The following VPS53 variants were observed in gnomAD, a reference collection of about 807,000 sequenced individuals.
VPS53 encodes VPS53 subunit of GARP complex, also known as vacuolar protein sorting-associated protein 53 homolog.
Under a neutral mutation model 107.0 loss-of-function variants are expected in VPS53, and 70 were observed. That is an observed-to-expected ratio of 0.65 (90% confidence interval 0.54 to 0.80). The LOEUF (loss-of-function observed/expected upper bound fraction) is 0.80, where lower values mean the gene tolerates loss of function less well. Among genes scored for constraint, VPS53 ranks in the 30% least tolerant of loss-of-function variants. The pLI is 0.00. For missense variants in VPS53, 917 were observed against 1,049.4 expected (o/e 0.87, Z 1.74); for synonymous variants, 409 against 393.3 (o/e 1.04, Z -0.47).
At chr17:647,435 A>G (rs1226899671) in intron 7 of VPS53, among the ~76,000 whole-genome samples, 1 of 152,226 alleles carries the variant, frequency 6.6e-6, no homozygotes, top group Non-Finnish European at 1.5e-5. Context: ...TGCAGAGTAA[A>G]TATCTATCAT....
intron 4 of VPS53, among the ~76,000 whole-genome samples, chr17:680,280 C>A (rs557068247): frequency 1.3e-5 from 2 of 152,048 alleles, no homozygotes; most frequent in African/African-American, 4.8e-5. Flanking sequence ...GGTGACAAAG[C>A]GAGATTCCGT....
At position 527,279 on chromosome 17, in the gene VPS53, T is replaced by C. The variant is rs373831248; in HGVS notation, c.2086-5541A>G. Among the ~76,000 whole-genome samples, 480 of 152,068 alleles carry C rather than the reference T, an allele frequency of 3.2e-3. 5 individuals are homozygous for C. Among genetic ancestry groups the C allele is most frequent in the African/African-American group, 6.4e-3 (265 of 41,376 alleles). ...CTGCTCATAAACCTGCTCTGAACAT[T>C]CGTCTCTCCTACTCTCTCTCACTGT... On this transcript the variant is annotated intron_variant, in intron 19 of 21. Transcript: ENST00000437048.
intron 1 of VPS53, among the ~76,000 whole-genome samples, chr17:712,958 C>G (rs923664429): frequency 6.6e-6 from 1 of 152,038 alleles, no homozygotes; most frequent in Non-Finnish European, 1.5e-5. Context: ...GCCGTGTGGC[C>G]GGAACACTAA....
At chr17:628,336 C>G (rs1969806531) in intron 8 of VPS53, 105 bp from the exon 9 acceptor site, 2 of 1,338,502 alleles carry the variant, frequency 1.5e-6, no homozygotes, top group Non-Finnish European at 2.0e-6. Flanking sequence ...CAGTCTTACT[C>G]CTGCTCCTTC....
chr17:713,911 G>A (rs1354535374), intron 1 of VPS53, among the ~76,000 whole-genome samples: 1 of 150,648 alleles, frequency 6.6e-6, no homozygotes, highest in Non-Finnish European at 1.5e-5. Flanking sequence ...CGGGTGTGGT[G>A]GCGTGCGCCT....
intron 11 of VPS53, among the ~76,000 whole-genome samples, chr17:620,978 C>T (rs1969446291): frequency 6.6e-6 from 1 of 151,970 alleles, no homozygotes; most frequent in Non-Finnish European, 1.5e-5. Flanking sequence ...CATTTTAAAA[C>T]AATTGAAAAA....
chr17:530,898 C>T (rs1909488449), intron 19 of VPS53, among the ~76,000 whole-genome samples: 1 of 152,174 alleles, frequency 6.6e-6, no homozygotes, highest in African/African-American at 2.4e-5. Flanking sequence ...AAAAATGTCT[C>T]CCATCCCATT....
intron 11 of VPS53, among the ~76,000 whole-genome samples, chr17:604,881 T>A (rs1443335891): frequency 6.6e-6 from 1 of 152,158 alleles, no homozygotes; most frequent in African/African-American, 2.4e-5. Flanking sequence ...CAAAGGGATA[T>A]GCTTGGCCCT....
chr17:606,088 G>C (rs1418436839), intron 11 of VPS53, among the ~76,000 whole-genome samples: 3 of 152,126 alleles, frequency 2.0e-5, no homozygotes, highest in African/African-American at 7.2e-5. Flanking sequence ...ATGGGGAACT[G>C]GACTAAGCTG....
chr17:563,287 CTTTTTTTTTT>C (rs36076034), intron 13 of VPS53, among the ~76,000 whole-genome samples: 7 of 103,290 alleles, frequency 6.8e-5, no homozygotes, highest in Non-Finnish European at 5.4e-5. Flanking sequence ...ACTTCATTTC[CTTTTTTTTTT>C]TTTTTTTTTT....
chr17:564,962 T>C (rs1047123187), intron 13 of VPS53, among the ~76,000 whole-genome samples: 3 of 152,180 alleles, frequency 2.0e-5, no homozygotes, highest in African/African-American at 7.2e-5. Flanking sequence ...TCTTTTTAGG[T>C]TGCCGTTTAA....
At position 515,662 on chromosome 17, in the gene VPS53, G is replaced by A. The variant is rs1380462417; in HGVS notation, c.*3466C>T. The A allele has an allele frequency of 1.3e-5, 2 of 152,056 alleles. No homozygotes were observed. The highest frequency in any genetic ancestry group is 2.4e-5 in the African/African-American group (1 of 41,418). 9.4% of individuals were successfully genotyped at this position (152,056 alleles called of 1,614,324 possible). A position where few individuals can be genotyped will look rare whatever the true frequency, so the allele number is the denominator to read the frequency against. ...GTGTGATGCCACAGTACCCGGCCTA[G>A]GGTGCCCCTTTGATACGTTATTTTT... On this transcript the variant is annotated 3_prime_UTR_variant, in exon 22 of 22. Transcript: ENST00000437048.
At chr17:551,701 G>A in intron 17 of VPS53, 171 bp downstream of exon 17, 1 of 462,494 alleles carries the variant, frequency 2.2e-6, no homozygotes, top group Non-Finnish European at 3.9e-6. Flanking sequence ...CAACTGAACT[G>A]ACGCAGGTGC....
At position 669,897 on chromosome 17, in the gene VPS53, A is replaced by G. The variant is rs1038769450; in HGVS notation, c.286-8002T>C. Among the ~76,000 whole-genome samples, 54 of 152,102 alleles carry G rather than the reference A, an allele frequency of 3.6e-4. 1 individual carries two copies. Among genetic ancestry groups the G allele is most frequent in the African/African-American group, 1.2e-3 (49 of 41,522 alleles). Reference sequence around the variant, plus strand: ...CAGAGCGAGACTCCATCTAAAAAAAAAAAAAGAAGAAAAAAAAGTAATAAT... The same window carrying G: ...CAGAGCGAGACTCCATCTAAAAAAAGAAAAAGAAGAAAAAAAAGTAATAAT... On this transcript the variant is annotated intron_variant, in intron 4 of 21. Transcript: ENST00000437048.
intron 11 of VPS53, among the ~76,000 whole-genome samples, chr17:610,127 T>TCACACACA (rs200106767): frequency 2.2e-5 from 3 of 134,528 alleles, no homozygotes; most frequent in Non-Finnish European, 3.2e-5. Context: ...TGAGACTCCG[T>TCACACACA]CACACACACA....
At chr17:651,053 G>T (rs59234869) in intron 7 of VPS53, among the ~76,000 whole-genome samples, 70 of 152,192 alleles carry the variant, frequency 4.6e-4, no homozygotes, top group African/African-American at 1.7e-3. Flanking sequence ...ACACAAATCC[G>T]GAGAGATAGG....
intron 17 of VPS53, among the ~76,000 whole-genome samples, chr17:542,095 C>G (rs1441548211): frequency 6.6e-6 from 1 of 152,198 alleles, no homozygotes; most frequent in Non-Finnish European, 1.5e-5. Context: ...TCTCAAGCAC[C>G]TACTACGCAC....
chr17:684,590 G>A (rs957712123), intron 4 of VPS53, among the ~76,000 whole-genome samples: 2 of 152,110 alleles, frequency 1.3e-5, no homozygotes, highest in African/African-American at 4.8e-5. Flanking sequence ...TTCATAGATT[G>A]GAAGATTTAA....
chr17:585,151 T>C (rs1967245562), intron 13 of VPS53, among the ~76,000 whole-genome samples: 1 of 152,218 alleles, frequency 6.6e-6, no homozygotes, highest in Non-Finnish European at 1.5e-5. Flanking sequence ...TTGAAGACAG[T>C]TGGCAGGTAC....
Sources: gnomAD v4.1 joint callset for allele counts (sites outside exome capture counted in the v4.1 genomes callset) on GRCh38, gnomAD v4.1.1 for gene constraint, MANE v1.5 for transcripts, NCBI Gene and HGNC (gene_info 2026-07-23, HGNC 2026-07-21) for gene names.